The following SIPA1L1 variants were observed in gnomAD, a reference collection of about 807,000 sequenced individuals.
The protein encoded by SIPA1L1 is signal-induced proliferation-associated 1-like protein 1.
In SIPA1L1, 26 loss-of-function variants were observed where a neutral mutation model predicts 162.7. That is an observed-to-expected ratio of 0.16 (90% CI 0.12 to 0.22). The LOEUF (loss-of-function observed/expected upper bound fraction) is 0.22, where lower values mean the gene tolerates loss of function less well. SIPA1L1 is among the 10% of genes least tolerant of loss of function. The pLI is 1.00. For missense variants in SIPA1L1, 1,874 were observed against 2,241.0 expected, an observed-to-expected ratio of 0.84 and a Z score of 3.31; for synonymous variants, 829 against 837.4, an observed-to-expected ratio of 0.99 and a Z score of 0.17.
intron 4 of SIPA1L1, among the ~76,000 whole-genome samples, chr14:71,570,212 G>GCTT (rs980008535): frequency 3.5e-4 from 53 of 152,034 alleles, no homozygotes; most frequent in African/African-American, 1.2e-3. Context: ...CTCACACAGA[G>GCTT]CTTCAGTCTA....
intron 4 of SIPA1L1, among the ~76,000 whole-genome samples, chr14:71,570,514 C>A (rs1334343824): frequency 6.6e-6 from 1 of 152,094 alleles, no homozygotes; most frequent in Non-Finnish European, 1.5e-5. Context: ...ATTCAGCCAC[C>A]TTGGCCTCTC....
intron 22 of SIPA1L1, 51 bp from the exon 23 acceptor site, chr14:71,738,190 A>G: frequency 4.3e-6 from 4 of 940,044 alleles, no homozygotes; most frequent in East Asian, 2.6e-5. Context: ...AAAAAAACAA[A>G]CCCAGCCATG....
intron 2 of SIPA1L1, among the ~76,000 whole-genome samples, chr14:71,399,030 G>A (rs943426194): frequency 2.6e-5 from 4 of 152,204 alleles, no homozygotes; most frequent in Non-Finnish European, 1.5e-5. Context: ...GGTGGAGATA[G>A]ATCTCAGCTT....
intron 2 of SIPA1L1, among the ~76,000 whole-genome samples, chr14:71,323,069 A>G (rs1172127588): frequency 6.6e-6 from 1 of 152,182 alleles, no homozygotes; most frequent in Non-Finnish European, 1.5e-5. Flanking sequence ...CTGTCCTTAC[A>G]CTAGTATTTT....
chr14:71,732,017 G>C (rs748513406), intron 20 of SIPA1L1, among the ~76,000 whole-genome samples: 2 of 152,202 alleles, frequency 1.3e-5, no homozygotes, highest in Admixed American at 6.5e-5. Flanking sequence ...CAGAAGGGTT[G>C]TGAGTTACAC....
chr14:71,598,372 T>C (rs906788247), intron 5 of SIPA1L1: 5 of 287,144 alleles, frequency 1.7e-5, no homozygotes, highest in Non-Finnish European at 2.6e-5. Flanking sequence ...GGAGGAAAGA[T>C]AGTAACTTTA....
intron 2 of SIPA1L1, among the ~76,000 whole-genome samples, chr14:71,346,046 T>TAA (rs1453024395): frequency 2.6e-5 from 4 of 152,152 alleles, no homozygotes; most frequent in African/African-American, 9.7e-5. Context: ...TAGCTGGGAC[T>TAA]ACATGCGCTT....
At chr14:71,676,246 C>T (rs1438239343) in intron 12 of SIPA1L1, among the ~76,000 whole-genome samples, 3 of 151,324 alleles carry the variant, frequency 2.0e-5, no homozygotes, top group Non-Finnish European at 3.0e-5. Context: ...GAGCTGAGAT[C>T]GTGCCATTGC....
chr14:71,590,799 G>A (rs1205985641), intron 5 of SIPA1L1, among the ~76,000 whole-genome samples: 1 of 152,146 alleles, frequency 6.6e-6, no homozygotes, highest in Non-Finnish European at 1.5e-5. Context: ...GCATTTGGGG[G>A]TGCGATGATT....
At chr14:71,462,587 A>G (rs2046686457) in intron 2 of SIPA1L1, among the ~76,000 whole-genome samples, 1 of 152,212 alleles carries the variant, frequency 6.6e-6, no homozygotes, top group Non-Finnish European at 1.5e-5. Flanking sequence ...TAGAAGGAAT[A>G]TCTTGACAGG....
At chr14:71,532,869 G>T (rs2053566687) in intron 4 of SIPA1L1, among the ~76,000 whole-genome samples, 1 of 152,184 alleles carries the variant, frequency 6.6e-6, no homozygotes, top group African/African-American at 2.4e-5. Flanking sequence ...TTGTGAGAAG[G>T]TAGGAAGTGT....
At chr14:71,667,161 C>A (rs2149320685) in intron 10 of SIPA1L1, among the ~76,000 whole-genome samples, 1 of 152,278 alleles carries the variant, frequency 6.6e-6, no homozygotes. Flanking sequence ...CACCCCATGC[C>A]TACCTCACTC....
chr14:71,669,926 T>G (rs1195604885), intron 10 of SIPA1L1, among the ~76,000 whole-genome samples: 1 of 152,128 alleles, frequency 6.6e-6, no homozygotes, highest in Non-Finnish European at 1.5e-5. Context: ...AAAACAAAGC[T>G]GAATATCTTA....
At chr14:71,556,809 G>T (rs1328688463) in intron 4 of SIPA1L1, among the ~76,000 whole-genome samples, 1 of 152,230 alleles carries the variant, frequency 6.6e-6, no homozygotes, top group Non-Finnish European at 1.5e-5. Context: ...GTGTAGAAAT[G>T]TGATTGGACA....
intron 2 of SIPA1L1, among the ~76,000 whole-genome samples, chr14:71,499,608 T>C (rs1244720424): frequency 6.6e-6 from 1 of 152,202 alleles, no homozygotes; most frequent in African/African-American, 2.4e-5. Flanking sequence ...TTATTTTTGG[T>C]TCTCATTTCA....
chr14:71,677,716 T>G (rs1315929203), intron 12 of SIPA1L1, among the ~76,000 whole-genome samples: 3 of 152,338 alleles, frequency 2.0e-5, no homozygotes, highest in Admixed American at 2.0e-4. Flanking sequence ...CCCAGCATCA[T>G]TTATTAAATA....
intron 5 of SIPA1L1, among the ~76,000 whole-genome samples, chr14:71,602,679 G>C (rs988028897): frequency 6.6e-6 from 1 of 152,232 alleles, no homozygotes; most frequent in South Asian, 2.1e-4. Context: ...TAACTCAGGA[G>C]TCCCCAACCA....
intron 2 of SIPA1L1, chr14:71,321,875 T>C (rs1458555589): frequency 6.6e-6 from 1 of 152,192 alleles, no homozygotes; most frequent in Non-Finnish European, 1.5e-5. Context: ...CATCGCGGTT[T>C]GGAGAACAGA....
chr14:71,384,777 A>T (rs540043953), intron 2 of SIPA1L1, among the ~76,000 whole-genome samples: 1 of 152,324 alleles, frequency 6.6e-6, no homozygotes, highest in East Asian at 1.9e-4. Flanking sequence ...ACCGCCAGTA[A>T]TCTCACATTT....
Sources: allele counts gnomAD v4.1 joint callset (sites outside exome capture counted in the v4.1 genomes callset), GRCh38; gene constraint gnomAD v4.1.1; transcripts MANE v1.5; gene names NCBI Gene and HGNC (gene_info 2026-07-23, HGNC 2026-07-21).